GATC: variants seen among roughly 807,000 people sequenced by gnomAD.
The protein encoded by GATC is glutamyl-tRNA(Gln) amidotransferase subunit C, mitochondrial.
GATC carries 11 observed loss-of-function variants against 14.4 expected under a neutral mutation model. That is an observed-to-expected ratio of 0.77 (90% CI 0.48 to 1.27). The LOEUF is 1.27. Among genes scored for constraint, GATC ranks in the 50% most tolerant of loss-of-function variants. GATC has a pLI of 0.00. For missense variants in GATC, 204 were observed against 183.0 expected (o/e 1.11, Z -0.66); for synonymous variants, 76 against 79.3 (o/e 0.96, Z 0.22).
Position 120,456,702 on chromosome 12 carries a change from C to T in GATC, c.255-374C>T, listed in dbSNP as rs146841440. On this transcript the variant is annotated intron_variant, in intron 2 of 3. Coordinates refer to ENST00000551765, the MANE Select transcript of GATC (RefSeq NM_176818.3). ...CATCAGCTATTCTGAGGATGTGCTA[C>T]TCACGCAGGCTGGACTAGGTACCCT... Among the ~76,000 whole-genome samples the T allele has an allele frequency of 3.9e-3, 596 of 152,298 alleles. 1 individual carries two copies. Among genetic ancestry groups the T allele is most frequent in the African/African-American group, 0.013 (558 of 41,550 alleles).
chr12:120,452,499 C>T (rs1024089827), intron 2 of GATC, among the ~76,000 whole-genome samples: 1 of 152,214 alleles, frequency 6.6e-6, no homozygotes, highest in East Asian at 1.9e-4. Context: ...AAGCCATCCT[C>T]CTGTCTCAGC....
intron 2 of GATC, 36 bp from the exon 3 acceptor site, chr12:120,457,040 T>A (rs555730923): frequency 6.9e-7 from 1 of 1,438,926 alleles, no homozygotes; most frequent in African/African-American, 1.4e-5. Context: ...AGCCCCCTTC[T>A]CTGAGAGGGT....
At chr12:120,453,987 C>G (rs912234256) in intron 2 of GATC, among the ~76,000 whole-genome samples, 5 of 151,996 alleles carry the variant, frequency 3.3e-5, no homozygotes, top group Non-Finnish European at 7.4e-5. Context: ...ATTTTGTTTT[C>G]CTGGAAATTT....
In GATC at chr12:120,461,712, G is replaced by A. The variant is rs976402933; in HGVS notation, c.*1753G>A. 6 of 210,654 alleles carry A rather than the reference G, an allele frequency of 2.8e-5. No homozygotes were observed. Among genetic ancestry groups the A allele is most frequent in the African/African-American group, 9.2e-5 (4 of 43,504 alleles). The allele number at this position is 210,654 out of a possible 1,614,324, so 13.0% of individuals were successfully genotyped here. On this transcript the variant is annotated 3_prime_UTR_variant, in exon 4 of 4. Transcript: ENST00000551765. ...AATATATTTCTAAACAGAATGGGCCGACTCAGTCACAGTAACTGTTGATCT... is the reference window on the plus strand; with the variant it reads ...AATATATTTCTAAACAGAATGGGCCAACTCAGTCACAGTAACTGTTGATCT...
At chr12:120,451,262 T>C (rs1878036165) in intron 2 of GATC, among the ~76,000 whole-genome samples, 1 of 150,964 alleles carries the variant, frequency 6.6e-6, no homozygotes, top group African/African-American at 2.4e-5. Context: ...CTGGCCAAGA[T>C]GGTGAAACCC....
intron 2 of GATC, among the ~76,000 whole-genome samples, chr12:120,455,413 C>G (rs1265409661): frequency 1.3e-5 from 2 of 152,052 alleles, no homozygotes; most frequent in African/African-American, 4.8e-5. Context: ...AGGTGATCCA[C>G]CCGCCTTAGC....
At chr12:120,455,607 T>C (rs1878161527) in intron 2 of GATC, among the ~76,000 whole-genome samples, 1 of 152,132 alleles carries the variant, frequency 6.6e-6, no homozygotes, top group African/African-American at 2.4e-5. Context: ...CATGAGTAAA[T>C]ATTTGTTGTG....
chr12:120,448,753 C>G (rs1445173069), intron 2 of GATC, among the ~76,000 whole-genome samples: 3 of 132,788 alleles, frequency 2.3e-5, no homozygotes, highest in African/African-American at 8.8e-5. Flanking sequence ...TCAAGTGATT[C>G]TCTTGCCTCA....
intron 2 of GATC, among the ~76,000 whole-genome samples, chr12:120,455,257 C>T (rs559658202): frequency 6.6e-6 from 1 of 151,850 alleles, no homozygotes; most frequent in African/African-American, 2.4e-5. Context: ...CAACCTCCGC[C>T]TCCTGGGTTC....
At chr12:120,456,501 TC>T (rs1348067969) in intron 2 of GATC, among the ~76,000 whole-genome samples, 1 of 152,202 alleles carries the variant, frequency 6.6e-6, no homozygotes, top group Non-Finnish European at 1.5e-5. Flanking sequence ...CTTTCCAGCT[TC>T]ATCTTCCACC....
chr12:120,461,716 C>CA lies in GATC; in HGVS notation c.*1758dup, dbSNP rs1878344300. On this transcript the variant is annotated 3_prime_UTR_variant, in exon 4 of 4. Transcript: ENST00000551765. ...TATTTCTAAACAGAATGGGCCGACT[C>CA]AGTCACAGTAACTGTTGATCTCCAT... is the stretch of plus-strand genomic sequence containing the variant. 1 of 218,174 alleles carries CA rather than the reference C, an allele frequency of 4.6e-6. No homozygotes were observed. The highest frequency in any genetic ancestry group is 8.9e-6 in the Non-Finnish European group (1 of 112,494). 13.5% of individuals were successfully genotyped at this position (218,174 alleles called of 1,614,324 possible). A position where few individuals can be genotyped will look rare whatever the true frequency, so the allele number is the denominator to read the frequency against.
In GATC at chr12:120,460,742, A is replaced by C. The variant is rs1374121591; in HGVS notation, c.*783A>C. 1 of 152,120 alleles carries C rather than the reference A, an allele frequency of 6.6e-6. No individual in the cohort carries two copies. The highest frequency in any genetic ancestry group is 2.4e-5 in the African/African-American group (1 of 41,402). 9.4% of individuals were successfully genotyped at this position (152,120 alleles called of 1,614,324 possible). A position where few individuals can be genotyped will look rare whatever the true frequency, so the allele number is the denominator to read the frequency against. ...AAAAGTGGGCTGGGCGCAGTGGCTC[A>C]CTCCTGTAATCCCAGCACTTTGGGA... On this transcript the variant is annotated 3_prime_UTR_variant, in exon 4 of 4. Coordinates refer to ENST00000551765, the MANE Select transcript of GATC (RefSeq NM_176818.3).
intron 2 of GATC, among the ~76,000 whole-genome samples, chr12:120,447,381 T>C (rs1270748691): frequency 6.6e-6 from 1 of 152,078 alleles, no homozygotes. Context: ...GGCCTAATCA[T>C]CGCCTTTAAG....
At chr12:120,446,590 G>A in intron 1 of GATC, 29 bp downstream of exon 1, 1 of 1,590,794 alleles carries the variant, frequency 6.3e-7, no homozygotes, top group East Asian at 2.2e-5. Flanking sequence ...TAGGCGGGTG[G>A]CGGAGCAAGC....
chr12:120,448,973 TTTAA>T (rs1404728984), intron 2 of GATC, among the ~76,000 whole-genome samples: 2 of 151,360 alleles, frequency 1.3e-5, no homozygotes, highest in African/African-American at 2.4e-5. Context: ...TTTTTTTTTT[TTTAA>T]TTGAGACAAG....
In GATC at chr12:120,463,138, G is replaced by T. The variant is rs547146436; in HGVS notation, c.*3179G>T. The T allele has an allele frequency of 1.2e-4, 17 of 145,272 alleles. No individual in the cohort carries two copies. The highest frequency in any genetic ancestry group is 2.1e-4 in the Non-Finnish European group (14 of 66,012). 9.0% of individuals were successfully genotyped at this position (145,272 alleles called of 1,614,324 possible). A position where few individuals can be genotyped will look rare whatever the true frequency, so the allele number is the denominator to read the frequency against. ...AAAAAAACAATGTCCAACTGGTCTG[G>T]TTTCTGGTCTCAATGGTACCAAAGG... On this transcript the variant is annotated 3_prime_UTR_variant, in exon 4 of 4. Coordinates refer to ENST00000551765, the MANE Select transcript of GATC (RefSeq NM_176818.3).
chr12:120,455,749 G>A (rs542568393), intron 2 of GATC, among the ~76,000 whole-genome samples: 3 of 151,484 alleles, frequency 2.0e-5, no homozygotes, highest in Non-Finnish European at 4.4e-5. Context: ...GCAGTGGCGC[G>A]ATCTCGGCTC....
At chr12:120,457,447 A>T (rs1013153720) in intron 3 of GATC, among the ~76,000 whole-genome samples, 2 of 151,890 alleles carry the variant, frequency 1.3e-5, no homozygotes, top group African/African-American at 4.8e-5. Flanking sequence ...CTAAAGGGGC[A>T]GCTGGCATTC....
Position 120,463,059 on chromosome 12 carries a change from C to T in GATC, c.*3100C>T, listed in dbSNP as rs551193519. ...TCAGAAAAAGAAATGAGCCCAGAGA[C>T]CTGTGTCCCCAAACATCCGTAAATC... On this transcript the variant is annotated 3_prime_UTR_variant, in exon 4 of 4. Coordinates refer to ENST00000551765, the MANE Select transcript of GATC (RefSeq NM_176818.3). The T allele has an allele frequency of 8.1e-4, 124 of 152,284 alleles. No individual in the cohort carries two copies. Among genetic ancestry groups the T allele is most frequent in the African/African-American group, 2.8e-3 (118 of 41,534 alleles). 9.4% of individuals were successfully genotyped at this position (152,284 alleles called of 1,614,324 possible). A position where few individuals can be genotyped will look rare whatever the true frequency, so the allele number is the denominator to read the frequency against.
Sources: gnomAD v4.1 joint callset for allele counts (sites outside exome capture counted in the v4.1 genomes callset) on GRCh38, gnomAD v4.1.1 for gene constraint, MANE v1.5 for transcripts, NCBI Gene and HGNC (gene_info 2026-07-23, HGNC 2026-07-21) for gene names.